MACROD2: variants seen among roughly 807,000 people sequenced by gnomAD.
The protein encoded by MACROD2 is ADP-ribose glycohydrolase MACROD2.
A neutral mutation model predicts 70.4 loss-of-function variants in MACROD2; 36 were observed. The observed-to-expected ratio is 0.51, with a 90% CI of 0.39 to 0.68. MACROD2 has a LOEUF of 0.68. MACROD2 is among the 30% of genes least tolerant of loss of function. MACROD2 has a pLI of 0.00. For missense variants in MACROD2, 496 were observed against 538.4 expected, an observed-to-expected ratio of 0.92 and a Z score of 0.78; for synonymous variants, 172 against 178.8, an observed-to-expected ratio of 0.96 and a Z score of 0.30.
chr20:15,986,618 G>C, intron 13 of MACROD2, 109 bp from the exon 14 acceptor site: 3 of 616,234 alleles, frequency 4.9e-6, no homozygotes, highest in Non-Finnish European at 8.0e-6. Context: ...TTTCAAAACT[G>C]TTCTCTATCT....
At chr20:15,007,573 A>G (rs1396982647) in intron 5 of MACROD2, among the ~76,000 whole-genome samples, 1 of 152,152 alleles carries the variant, frequency 6.6e-6, no homozygotes, top group East Asian at 1.9e-4. Context: ...AACAGAAACC[A>G]CTTTAGGTAT....
intron 3 of MACROD2, among the ~76,000 whole-genome samples, chr20:14,242,137 CAT>C (rs1195360197): frequency 6.6e-6 from 1 of 152,114 alleles, no homozygotes; most frequent in East Asian, 1.9e-4. Flanking sequence ...TTCAAAATAA[CAT>C]GTAGTCCTGC....
chr20:14,417,295 A>G (rs2083820091), intron 3 of MACROD2, among the ~76,000 whole-genome samples: 1 of 152,200 alleles, frequency 6.6e-6, no homozygotes, highest in South Asian at 2.1e-4. Flanking sequence ...TGTCTAGAGG[A>G]CTGAGAAGAT....
intron 6 of MACROD2, among the ~76,000 whole-genome samples, chr20:15,257,744 T>C (rs2146038639): frequency 6.6e-6 from 1 of 152,202 alleles, no homozygotes; most frequent in Admixed American, 6.5e-5. Flanking sequence ...ATAAACTATA[T>C]TATTGTTTTA....
At chr20:14,344,802 G>A (rs1265340769) in intron 3 of MACROD2, among the ~76,000 whole-genome samples, 1 of 152,140 alleles carries the variant, frequency 6.6e-6, no homozygotes, top group Non-Finnish European at 1.5e-5. Flanking sequence ...TTTTTGTTTG[G>A]AGAAATTCAA....
chr20:15,111,912 A>G (rs899546173), intron 5 of MACROD2, among the ~76,000 whole-genome samples: 9 of 152,204 alleles, frequency 5.9e-5, no homozygotes, highest in African/African-American at 1.7e-4. Flanking sequence ...CCCCTGCCTA[A>G]TGCAAGCTCT....
chr20:14,362,684 A>G (rs2083233403), intron 3 of MACROD2, among the ~76,000 whole-genome samples: 1 of 152,152 alleles, frequency 6.6e-6, no homozygotes, highest in Non-Finnish European at 1.5e-5. Context: ...AAATAACACC[A>G]AAAAGTTCCT....
chr20:14,291,539 T>C (rs2082386298), intron 3 of MACROD2, among the ~76,000 whole-genome samples: 2 of 152,072 alleles, frequency 1.3e-5, no homozygotes, highest in Admixed American at 1.3e-4. Context: ...GAGAGTGATA[T>C]GAGTTTGCAA....
At chr20:15,356,091 T>C (rs2078284110) in intron 6 of MACROD2, among the ~76,000 whole-genome samples, 1 of 152,182 alleles carries the variant, frequency 6.6e-6, no homozygotes, top group African/African-American at 2.4e-5. Context: ...GTTTTTTTTT[T>C]CTTTGAGCAT....
At chr20:14,119,879 A>T (rs2054562805) in intron 3 of MACROD2, among the ~76,000 whole-genome samples, 1 of 152,158 alleles carries the variant, frequency 6.6e-6, no homozygotes, top group Non-Finnish European at 1.5e-5. Context: ...GAACAACCCC[A>T]TCTAGGCAAA....
At chr20:14,337,518 A>G (rs923907283) in intron 3 of MACROD2, 6 of 398,562 alleles carry the variant, frequency 1.5e-5, no homozygotes, top group African/African-American at 1.0e-4. Context: ...TCCAGTCCAC[A>G]CAAAGCCCAC....
At position 14,284,726 on chromosome 20, in the gene MACROD2, T is replaced by C. The variant is rs8115669; in HGVS notation, c.271+198998T>C. On this transcript the variant is annotated intron_variant, in intron 3 of 17. Coordinates refer to ENST00000684519, the MANE Select transcript of MACROD2 (RefSeq NM_001351661.2). ...AAAGGCCTGTAGCAATCTCAGTGCA[T>C]TTCTTAAATTCTATGAGTGCCCCCC... 2.5e-3 allele frequency among the ~76,000 whole-genome samples: 375 copies of C among 152,338 alleles called. 4 individuals carry two copies. The highest frequency in any genetic ancestry group is 8.5e-3 in the African/African-American group (352 of 41,590).
chr20:14,611,088 GC>G, intron 4 of MACROD2, among the ~76,000 whole-genome samples: 1 of 152,168 alleles, frequency 6.6e-6, no homozygotes, highest in Non-Finnish European at 1.5e-5. Flanking sequence ...TTGTTAAGAG[GC>G]AGTATATGGT....
chr20:15,283,688 A>G (rs1205932585), intron 6 of MACROD2, among the ~76,000 whole-genome samples: 1 of 152,156 alleles, frequency 6.6e-6, no homozygotes, highest in African/African-American at 2.4e-5. Context: ...AAACAAACAA[A>G]AAACAAACAA....
rs188598303 is a variant in MACROD2 at position 15,986,625 on chromosome 20, A to G, written c.986-102A>G. The G allele has an allele frequency of 3.1e-3, 2,075 of 669,684 alleles. 6 individuals are homozygous for G. The highest frequency in any genetic ancestry group is 6.5e-3 in the South Asian group (232 of 35,564). 41.5% of individuals were successfully genotyped at this position (669,684 alleles called of 1,614,324 possible). A position where few individuals can be genotyped will look rare whatever the true frequency, so the allele number is the denominator to read the frequency against. ...CCCTTTGGTTTCAAAACTGTTCTCTATCTCTCCATGCATGATTAAAGCACG... is the reference window on the plus strand; with the variant it reads ...CCCTTTGGTTTCAAAACTGTTCTCTGTCTCTCCATGCATGATTAAAGCACG... On this transcript the variant is annotated intron_variant, in intron 13 of 17. Coordinates refer to ENST00000684519, the MANE Select transcript of MACROD2 (RefSeq NM_001351661.2).
At chr20:15,458,530 C>T (rs2046761335) in intron 7 of MACROD2, among the ~76,000 whole-genome samples, 1 of 151,340 alleles carries the variant, frequency 6.6e-6, no homozygotes, top group Non-Finnish European at 1.5e-5. Flanking sequence ...TTCTTATTGA[C>T]AAATTTAGCA....
At chr20:15,407,983 C>T (rs1327081824) in intron 6 of MACROD2, among the ~76,000 whole-genome samples, 2 of 152,174 alleles carry the variant, frequency 1.3e-5, no homozygotes, top group Admixed American at 6.5e-5. Flanking sequence ...GCAGTGTCCT[C>T]CATGCTGCGA....
At chr20:15,555,828 C>CAAAAAAAA (rs397838341) in intron 8 of MACROD2, among the ~76,000 whole-genome samples, 38 of 18,486 alleles carry the variant, frequency 2.1e-3, no homozygotes, top group African/African-American at 5.6e-3. Context: ...GACTCCATCT[C>CAAAAAAAA]AAAAAAAAAA....
intron 4 of MACROD2, among the ~76,000 whole-genome samples, chr20:14,550,809 T>C (rs1600374998): frequency 6.6e-6 from 1 of 152,138 alleles, no homozygotes; most frequent in Non-Finnish European, 1.5e-5. Flanking sequence ...AGGTGGAAAC[T>C]GAAAGCAAGG....
Sources: allele counts gnomAD v4.1 joint callset (sites outside exome capture counted in the v4.1 genomes callset), GRCh38; gene constraint gnomAD v4.1.1; transcripts MANE v1.5; gene names NCBI Gene and HGNC (gene_info 2026-07-23, HGNC 2026-07-21).